PRPSAP1: variants seen among roughly 807,000 people sequenced by gnomAD.
The protein encoded by PRPSAP1 is phosphoribosyl pyrophosphate synthetase associated protein 1, also known as phosphoribosyl pyrophosphate synthase-associated protein 1.
A neutral mutation model predicts 39.4 loss-of-function variants in PRPSAP1; 31 were observed. The observed-to-expected ratio is 0.79, with a 90% CI of 0.59 to 1.06. The LOEUF (loss-of-function observed/expected upper bound fraction) is 1.06, where lower values mean the gene tolerates loss of function less well. Among genes scored for constraint, PRPSAP1 ranks in the 50% least tolerant of loss-of-function variants. PRPSAP1 has a pLI of 0.00. For synonymous variants in PRPSAP1, 212 were observed against 192.6 expected (o/e 1.10, Z -0.83); for missense variants, 430 against 511.6 (o/e 0.84, Z 1.54).
At chr17:76,336,349 A>T (rs1331637220) in intron 3 of PRPSAP1, among the ~76,000 whole-genome samples, 3 of 151,534 alleles carry the variant, frequency 2.0e-5, no homozygotes, top group South Asian at 2.1e-4. Context: ...GAGGCAGAAG[A>T]ATTGCTTGAA....
chr17:76,338,956 C>T (rs2071406703), intron 3 of PRPSAP1, among the ~76,000 whole-genome samples: 1 of 151,766 alleles, frequency 6.6e-6, no homozygotes, highest in Middle Eastern at 3.2e-3. Context: ...TCACTTGAAC[C>T]TGGAAAGTGG....
intron 3 of PRPSAP1, 105 bp downstream of exon 3, chr17:76,344,566 A>C: frequency 9.5e-7 from 1 of 1,055,632 alleles, no homozygotes. Context: ...GCCCGGCCTG[A>C]ATATATAACT....
chr17:76,313,096 C>A, intron 8 of PRPSAP1, 80 bp from the exon 9 acceptor site: 8 of 1,446,830 alleles, frequency 5.5e-6, no homozygotes, highest in Non-Finnish European at 6.5e-6. Context: ...ACTCTACTCT[C>A]TTCTGCACTC....
intron 3 of PRPSAP1, among the ~76,000 whole-genome samples, chr17:76,337,658 T>G (rs2071394188): frequency 1.3e-5 from 2 of 152,124 alleles, no homozygotes; most frequent in Admixed American, 1.3e-4. Flanking sequence ...AAGGCGAGAG[T>G]GCAGTAGCAC....
chr17:76,320,127 G>A lies in PRPSAP1; in HGVS notation c.782-6236C>T, dbSNP rs140755708. On this transcript the variant is annotated intron_variant, in intron 7 of 9. Transcript: ENST00000446526. Reference sequence around the variant, plus strand: ...TCTACTAAAAAAGCAAAAATTAGCCGGGTGTGGTGGTGCATGCCTGTAATC... The same window carrying A: ...TCTACTAAAAAAGCAAAAATTAGCCAGGTGTGGTGGTGCATGCCTGTAATC... Among the ~76,000 whole-genome samples, 402 of 152,032 alleles carry A rather than the reference G, an allele frequency of 2.6e-3. 3 individuals are homozygous for A. The highest frequency in any genetic ancestry group is 8.7e-3 in the African/African-American group (359 of 41,478).
At position 76,353,558 on chromosome 17, in the gene PRPSAP1, G is replaced by A; in HGVS notation, c.146C>T (p.Thr49Met). ...CTCTGTGATGCGCTTGGCCAGCTCC[G>A]TGCAGGCGGCCGTGGAGTTGGCCGA... ...VFSANSTAACTELAKRITERL... is the reference protein window; with the variant it reads ...VFSANSTAACMELAKRITERL... The change falls in exon 1 of 10, where the codon ACG (threonine) becomes ATG (methionine). Residue 49 changes from threonine (T) to methionine (M), a missense_variant. By Grantham distance (81) the Thr-to-Met change is moderately conservative. Coordinates refer to ENST00000446526, the MANE Select transcript of PRPSAP1 (RefSeq NM_002766.3). 1 of 1,551,744 alleles carries A rather than the reference G, an allele frequency of 6.4e-7. No homozygotes were observed. Among genetic ancestry groups the A allele is most frequent in the Non-Finnish European group, 8.7e-7 (1 of 1,153,924 alleles).
intron 7 of PRPSAP1, among the ~76,000 whole-genome samples, chr17:76,316,174 T>TAAAA (rs1377721818): frequency 1.1e-4 from 8 of 73,494 alleles, no homozygotes; most frequent in Admixed American, 1.8e-4. Flanking sequence ...AGACTCCGTC[T>TAAAA]AAAAAAAAAA....
chr17:76,352,798 C>G (rs1453401832), intron 1 of PRPSAP1, among the ~76,000 whole-genome samples: 1 of 152,124 alleles, frequency 6.6e-6, no homozygotes, highest in African/African-American at 2.4e-5. Context: ...TCAACCATGC[C>G]CATTTCACAG....
chr17:76,343,619 G>C (rs1174399019), intron 3 of PRPSAP1, among the ~76,000 whole-genome samples: 1 of 152,146 alleles, frequency 6.6e-6, no homozygotes, highest in Non-Finnish European at 1.5e-5. Flanking sequence ...TGGATCACTT[G>C]AGGTCAGGAG....
chr17:76,317,702 T>G (rs2071139733), intron 7 of PRPSAP1, among the ~76,000 whole-genome samples: 1 of 152,180 alleles, frequency 6.6e-6, no homozygotes, highest in South Asian at 2.1e-4. Flanking sequence ...ACATCTTCAC[T>G]CGTGAAATTA....
chr17:76,314,201 A>AATGTATGTATGTATGTATGTATGTATGT (rs58359232), intron 7 of PRPSAP1: 32 of 359,070 alleles, frequency 8.9e-5, no homozygotes, highest in African/African-American at 7.3e-4. Flanking sequence ...CTGATATAAA[A>AATGTATGTATGTATGTATGTATGTATGT]ATGTATGTAT....
upstream of PRPSAP1, chr17:76,354,124 G>C: frequency 1.0e-6 from 1 of 1,003,124 alleles, no homozygotes; most frequent in Non-Finnish European, 1.2e-6. Context: ...TACCTCGGTA[G>C]TGGCCCCAGG....
At chr17:76,343,575 C>T (rs2071463039) in intron 3 of PRPSAP1, among the ~76,000 whole-genome samples, 1 of 152,202 alleles carries the variant, frequency 6.6e-6, no homozygotes, top group African/African-American at 2.4e-5. Flanking sequence ...TGGCTCACGC[C>T]TGAAATCCCA....
At chr17:76,325,399 G>A (rs1389206043) in intron 7 of PRPSAP1, among the ~76,000 whole-genome samples, 1 of 90,656 alleles carries the variant, frequency 1.1e-5, no homozygotes, top group African/African-American at 4.3e-5. Context: ...ACAGAGCGAG[G>A]AGACTCAGTC....
intron 3 of PRPSAP1, among the ~76,000 whole-genome samples, chr17:76,340,661 C>T (rs555450288): frequency 3.6e-4 from 55 of 152,108 alleles, no homozygotes; most frequent in Non-Finnish European, 5.7e-4. Context: ...GAGGCCGAGG[C>T]GGGCAGATCA....
intron 3 of PRPSAP1, among the ~76,000 whole-genome samples, chr17:76,339,069 CTTTAGTTGG>C (rs1291072619): frequency 2.0e-5 from 3 of 151,640 alleles, no homozygotes; most frequent in Admixed American, 6.6e-5. Flanking sequence ...TATCTGTGTT[CTTTAGTTGG>C]TACTAAAGTA....
In PRPSAP1 at chr17:76,347,560, C is replaced by T. The variant is rs532736779; in HGVS notation, c.223+969G>A. Reference sequence around the variant, plus strand: ...AAGAGAGAGACAGGAGGTCAGGGAGCCAAGGGGCCAGGACTTGCAGGACTC... The same window carrying T: ...AAGAGAGAGACAGGAGGTCAGGGAGTCAAGGGGCCAGGACTTGCAGGACTC... On this transcript the variant is annotated intron_variant, in intron 2 of 9. Transcript: ENST00000446526. 2.6e-3 allele frequency among the ~76,000 whole-genome samples: 385 copies of T among 149,206 alleles called. 1 individual carries two copies. Among genetic ancestry groups the T allele is most frequent in the African/African-American group, 8.8e-3 (354 of 40,338 alleles).
chr17:76,350,484 G>C (rs1029842280), intron 1 of PRPSAP1, among the ~76,000 whole-genome samples: 41 of 151,956 alleles, frequency 2.7e-4, no homozygotes, highest in Non-Finnish European at 3.2e-4. Context: ...TGACATGAGG[G>C]AGCCTTGGAC....
chr17:76,350,791 G>A (rs962362063), intron 1 of PRPSAP1, among the ~76,000 whole-genome samples: 3 of 152,206 alleles, frequency 2.0e-5, no homozygotes, highest in Admixed American at 6.6e-5. Flanking sequence ...GCGGCACTTC[G>A]GGAGGCCAAG....
Sources: allele counts gnomAD v4.1 joint callset (sites outside exome capture counted in the v4.1 genomes callset), GRCh38; gene constraint gnomAD v4.1.1; transcripts MANE v1.5; gene names NCBI Gene and HGNC (gene_info 2026-07-23, HGNC 2026-07-21).